The following PSG7 variants were observed in gnomAD, a reference collection of about 807,000 sequenced individuals.
PSG7 encodes the protein pregnancy specific beta-1-glycoprotein 7.
A neutral mutation model predicts 45.6 loss-of-function variants in PSG7; 57 were observed. The ratio of observed to expected loss-of-function variants is 1.25; its 90% CI spans 1.01 to 1.56. The LOEUF (loss-of-function observed/expected upper bound fraction) is 1.56. Among genes scored for constraint, PSG7 ranks in the 40% most tolerant of loss-of-function variants. PSG7 has a pLI of 0.00. For synonymous variants in PSG7, 298 were observed against 194.4 expected, an observed-to-expected ratio of 1.53 and a Z score of -4.43; for missense variants, 796 against 508.4, an observed-to-expected ratio of 1.57 and a Z score of -5.44.
Position 42,929,593 on chromosome 19 carries a change from G to T in PSG7, c.558C>A (p.Ser186Arg). 1.9e-6 allele frequency: 3 copies of T among 1,612,610 alleles called. 1 individual carries two copies. Among genetic ancestry groups the T allele is most frequent in the Non-Finnish European group, 2.5e-6 (3 of 1,179,252 alleles). The stretch of plus-strand genomic sequence containing the variant: ...GCTGCAAGCTGTGAGTCATAGGGAG[G>T]CTCTGACCATTCATCCACCACAGGT... ...ASYLWWMNGQ[S>R]LPMTHSLQLS... The change falls in exon 3 of 6, where the codon AGC becomes AGA. Residue 186 changes from serine (S) to arginine (R), a missense_variant. Transcript: ENST00000406070.
intron 2 of PSG7, among the ~76,000 whole-genome samples, chr19:42,933,439 A>G (rs1600571435): frequency 6.8e-6 from 1 of 147,826 alleles, no homozygotes; most frequent in South Asian, 2.2e-4. Flanking sequence ...CACAAAGTGA[A>G]AGAGCCCTGG....
chr19:42,933,436 T>G (rs903118832), intron 2 of PSG7, among the ~76,000 whole-genome samples: 29 of 147,248 alleles, frequency 2.0e-4, no homozygotes, highest in South Asian at 4.5e-4. Context: ...CCTCACAAAG[T>G]GAAAGAGCCC....
At chr19:42,934,164 G>C (rs143053833) in intron 2 of PSG7, among the ~76,000 whole-genome samples, 21 of 151,530 alleles carry the variant, frequency 1.4e-4, no homozygotes, top group African/African-American at 5.1e-4. Flanking sequence ...GGAAACACAG[G>C]ATTTCAGGTT....
Position 42,935,287 on chromosome 19 carries a change from G to C in PSG7, c.430+117C>G, listed in dbSNP as rs372648654. On this transcript the variant is annotated intron_variant, in intron 2 of 5. Transcript: ENST00000406070. ...TCCTGCAATAAATGCCCAAACCCCA[G>C]CATGGGACATAATGCAGAGAGGGAC... 8 of 1,495,788 alleles carry C rather than the reference G, an allele frequency of 5.3e-6. 1 individual carries two copies. The South Asian group carries it at 6.0e-5, about 11-fold the overall frequency. 92.7% of individuals were successfully genotyped at this position (1,495,788 alleles called of 1,614,324 possible).
chr19:42,935,686 C>A lies in PSG7; in HGVS notation c.148G>T (p.Asp50Tyr), dbSNP rs549369260. The change falls in exon 2 of 6, where the codon GAT becomes TAT. Residue 50 changes from aspartate to tyrosine, a missense_variant. Coordinates refer to ENST00000406070, the MANE Select transcript of PSG7 (RefSeq NM_002783.3). ...AQPPKVSEGK[D>Y]VLLLVHNLPQ... is the part of the protein sequence containing the mutation. ...AAATTGTGGACAAGTAGAAGAACAT[C>A]CTTCCCCTCGGAAACTTTTGGTGGC... 47 of 1,611,976 alleles carry A rather than the reference C, an allele frequency of 2.9e-5. 1 individual carries two copies. In the South Asian group the frequency reaches 4.6e-4, roughly 16 times the overall value.
chr19:42,934,778 C>T (rs1039615647), intron 2 of PSG7, among the ~76,000 whole-genome samples: 1 of 151,584 alleles, frequency 6.6e-6, no homozygotes, highest in African/African-American at 2.4e-5. Flanking sequence ...GGCTGATGGC[C>T]TACAAAGCTT....
chr19:42,932,965 T>G (rs982739116), intron 2 of PSG7, among the ~76,000 whole-genome samples: 3 of 150,744 alleles, frequency 2.0e-5, no homozygotes, highest in African/African-American at 7.3e-5. Context: ...TTTCTCATTC[T>G]TTTGCATTCT....
In PSG7 at chr19:42,926,605, C is replaced by A; in HGVS notation, c.821G>T (p.Trp274Leu). 2 of 1,610,328 alleles carry A rather than the reference C, an allele frequency of 1.2e-6. No individual in the cohort carries two copies. Among genetic ancestry groups the A allele is most frequent in the Non-Finnish European group, 1.7e-6 (2 of 1,179,042 alleles). ...PKSENYTYIW[W>L]LNGQSLPVSP... ...GACCGGGAGGCTCTGACCATTTAGC[C>A]ACCAAATGTAGGTGTAGTTCTCACT... The change falls in exon 4 of 6, where the codon TGG (tryptophan) becomes TTG (leucine). Residue 274 changes from tryptophan (W) to leucine (L), a missense_variant. Coordinates refer to ENST00000406070, the MANE Select transcript of PSG7 (RefSeq NM_002783.3).
At chr19:42,926,054 G>C in intron 4 of PSG7, 27 bp from the exon 5 acceptor site, 1 of 1,607,116 alleles carries the variant, frequency 6.2e-7, no homozygotes, top group Middle Eastern at 1.7e-4. Context: ...AAAGCCACAG[G>C]TGATGTTATC....
At chr19:42,930,297 C>T (rs1345574265) in intron 2 of PSG7, among the ~76,000 whole-genome samples, 3 of 151,518 alleles carry the variant, frequency 2.0e-5, no homozygotes, top group Admixed American at 1.3e-4. Flanking sequence ...GCAGTGCAGC[C>T]ACAAGGTGGC....
Position 42,926,657 on chromosome 19 carries a change from C to G in PSG7, c.769G>C (p.Val257Leu), listed in dbSNP as rs1047241255. 8 of 1,610,194 alleles carry G rather than the reference C, an allele frequency of 5.0e-6. No homozygotes were observed. Residue 257 changes from valine (V) to leucine (L), a missense_variant, in exon 4 of 6, where the codon GTC becomes CTC. By Grantham distance (32) the Val-to-Leu change is conservative. Transcript: ENST00000406070. Reference protein sequence around the residue: ...NNLNPRENKDVSTFTCEPKSE... With the variant: ...NNLNPRENKDLSTFTCEPKSE... Reference sequence around the variant, plus strand: ...TTAGGTTCACAGGTGAAGGTTGAGACATCCTTATTCTCCCTGGGGTTTAAG... The same window carrying G: ...TTAGGTTCACAGGTGAAGGTTGAGAGATCCTTATTCTCCCTGGGGTTTAAG...
chr19:42,925,757 G>A lies in PSG7; in HGVS notation c.1243+16C>T. 1 of 1,611,886 alleles carries A rather than the reference G, an allele frequency of 6.2e-7. No homozygotes were observed. The highest frequency in any genetic ancestry group is 2.2e-5 in the East Asian group (1 of 44,804). On this transcript the variant is annotated intron_variant, in intron 5 of 5. Coordinates refer to ENST00000406070, the MANE Select transcript of PSG7 (RefSeq NM_002783.3). ...CACCTAAAACCCTATTGCCAAGGAT[G>A]CTGGGATCCACTTACCAGAGACTCT...
intron 5 of PSG7, 189 bp from the exon 6 acceptor site, chr19:42,925,013 C>T (rs1972494727): frequency 4.9e-6 from 3 of 615,988 alleles, no homozygotes; most frequent in East Asian, 5.5e-5. Context: ...TGATTGTTTA[C>T]ATAAGTGCAG....
rs1973169627 is a variant in PSG7 at position 42,937,124 on chromosome 19, C to A, written c.-48G>T. ...TCCTCTGTGGAGATGAGCCTAGGAT[C>A]CAGAATCTTCCTGAGCACGGCTGTC... On this transcript the variant is annotated 5_prime_UTR_variant, in exon 1 of 6. Transcript: ENST00000406070. 1.9e-6 allele frequency: 3 copies of A among 1,593,840 alleles called. No individual in the cohort carries two copies. Among genetic ancestry groups the A allele is most frequent in the Non-Finnish European group, 2.6e-6 (3 of 1,166,118 alleles).
intron 2 of PSG7, among the ~76,000 whole-genome samples, chr19:42,934,492 T>A (rs1051000330): frequency 2.0e-5 from 3 of 151,564 alleles, no homozygotes; most frequent in African/African-American, 7.3e-5. Context: ...TGTGACTCAG[T>A]TTTCTCTCAA....
Position 42,929,686 on chromosome 19 carries a change from A to G in PSG7, c.465T>C (p.Asn155=), listed in dbSNP as rs374884624. 5.0e-6 allele frequency: 8 copies of G among 1,612,318 alleles called. No individual in the cohort carries two copies. In the African/African-American group the frequency reaches 6.7e-5, roughly 13 times the overall value. ...CCTCCGTGGCCTCCCTGGGGTTGAA[A>G]TTGCTGCTGGAGATGGAGGGTTTGG... ...ETPKPSISSS[N]FNPREATEAV... is the part of the protein sequence containing the mutation. Residue 155 remains asparagine, a synonymous_variant, in exon 3 of 6, where the codon AAT becomes AAC. Coordinates refer to ENST00000406070, the MANE Select transcript of PSG7 (RefSeq NM_002783.3).
intron 3 of PSG7, chr19:42,927,495 C>A (rs1454099788): frequency 2.0e-5 from 3 of 151,680 alleles, no homozygotes; most frequent in Non-Finnish European, 4.4e-5. Context: ...CAGGTGAGGA[C>A]CATGTGGATC....
At chr19:42,933,290 TATATATA>T (rs1214186534) in intron 2 of PSG7, among the ~76,000 whole-genome samples, 142 of 12,022 alleles carry the variant, frequency 0.012, 6 homozygotes, top group African/African-American at 0.028. Flanking sequence ...TATATATATA[TATATATA>T]TATATATATA....
chr19:42,928,858 G>T (rs1423899342), intron 3 of PSG7, among the ~76,000 whole-genome samples: 1 of 151,462 alleles, frequency 6.6e-6, no homozygotes, highest in East Asian at 1.9e-4. Context: ...AAGAGACATA[G>T]ACCCCTCTAT....
Sources: gnomAD v4.1 joint callset for allele counts (sites outside exome capture counted in the v4.1 genomes callset) on GRCh38, gnomAD v4.1.1 for gene constraint, MANE v1.5 for transcripts, NCBI Gene and HGNC (gene_info 2026-07-23, HGNC 2026-07-21) for gene names.